The following UGT1A4 variants were observed in gnomAD, a reference collection of about 807,000 sequenced individuals.
UGT1A4 encodes UDP glucuronosyltransferase family 1 member A4, also known as UDP-glucuronosyltransferase 1A4.
A neutral mutation model predicts 41.1 loss-of-function variants in UGT1A4; 32 were observed. That is an observed-to-expected ratio of 0.78 (90% CI 0.59 to 1.05). The LOEUF is 1.05. Ranked by LOEUF, UGT1A4 falls within the 50% of genes least tolerant of loss-of-function variation. The probability of loss-of-function intolerance (pLI) is 0.00; values close to 1 mark genes in which losing one functional copy is unlikely to be tolerated. For synonymous variants in UGT1A4, 283 were observed against 265.1 expected (o/e 1.07, Z -0.66); for missense variants, 748 against 677.4 (o/e 1.10, Z -1.16).
chr2:233,769,450 T>A lies in UGT1A4; in HGVS notation c.1307+1011T>A. On this transcript the variant is annotated intron_variant, in intron 4 of 4. Coordinates refer to ENST00000373409, the MANE Select transcript of UGT1A4 (RefSeq NM_007120.3). The surrounding 1 kb of genome is among the most constrained non-coding windows in gnomAD (Gnocchi z 4.4). Reference sequence around the variant, plus strand: ...CTGTGCTCATGTGTGGGTGCACACGTGTGCATTCATATGCGTGTGTGTGTG... The same window carrying A: ...CTGTGCTCATGTGTGGGTGCACACGAGTGCATTCATATGCGTGTGTGTGTG... The A allele has an allele frequency of 1.3e-6, 2 of 1,587,838 alleles. No individual in the cohort carries two copies. The highest frequency in any genetic ancestry group is 1.7e-6 in the Non-Finnish European group (2 of 1,158,796).
intron 1 of UGT1A4, chr2:233,748,143 A>G (rs1693880187): frequency 6.2e-7 from 1 of 1,607,740 alleles, no homozygotes; most frequent in Non-Finnish European, 8.5e-7. Flanking sequence ...AATTGTATTT[A>G]CTTACAATTG....
At chr2:233,745,089 C>G (rs542765504) in intron 1 of UGT1A4, among the ~76,000 whole-genome samples, 1 of 151,738 alleles carries the variant, frequency 6.6e-6, no homozygotes, top group Admixed American at 6.5e-5. Flanking sequence ...ATTGCTCTTC[C>G]CCCCAAATAT....
At chr2:233,739,868 G>A (rs1691228804) in intron 1 of UGT1A4, among the ~76,000 whole-genome samples, 1 of 151,904 alleles carries the variant, frequency 6.6e-6, no homozygotes. Context: ...AGAATGATAT[G>A]ATTTGACTGT....
In UGT1A4 at chr2:233,738,243, A is replaced by C. The variant is rs57963849; in HGVS notation, c.867+18556A>C. Among the ~76,000 whole-genome samples, 1,478 of 152,302 alleles carry C rather than the reference A, an allele frequency of 9.7e-3. 33 individuals are homozygous for C. The highest frequency in any genetic ancestry group is 0.033 in the African/African-American group (1,387 of 41,562). On this transcript the variant is annotated intron_variant, in intron 1 of 4. Coordinates refer to ENST00000373409, the MANE Select transcript of UGT1A4 (RefSeq NM_007120.3). Reference sequence around the variant, plus strand: ...AGTTTCCTGAGGCCCCTCCAGCCACATGGAACTGGAGTCAATTAAAGCTCT... The same window carrying C: ...AGTTTCCTGAGGCCCCTCCAGCCACCTGGAACTGGAGTCAATTAAAGCTCT...
intron 1 of UGT1A4, among the ~76,000 whole-genome samples, chr2:233,766,000 G>A (rs1299002153): frequency 1.3e-5 from 2 of 152,106 alleles, no homozygotes; most frequent in African/African-American, 2.4e-5. Context: ...TCCAGTGGGC[G>A]TGGGTTATGG....
At chr2:233,739,351 C>A (rs1394476158) in intron 1 of UGT1A4, among the ~76,000 whole-genome samples, 1 of 152,186 alleles carries the variant, frequency 6.6e-6, no homozygotes, top group Admixed American at 6.5e-5. Context: ...CCCAGAAGGG[C>A]AGATCCAATA....
intron 1 of UGT1A4, among the ~76,000 whole-genome samples, chr2:233,746,060 G>A (rs1011902873): frequency 4.0e-5 from 6 of 151,770 alleles, no homozygotes; most frequent in Admixed American, 3.9e-4. Flanking sequence ...GGTCTAGAAC[G>A]AAAAGAGAAG....
chr2:233,772,274 C>T lies in UGT1A4; in HGVS notation c.1320C>T (p.Asn440=), dbSNP rs754238953. Residue 440 remains asparagine, a synonymous_variant, in exon 5 of 5, where the codon AAC becomes AAT. Coordinates refer to ENST00000373409, the MANE Select transcript of UGT1A4 (RefSeq NM_007120.3). ...TCTTTGTGTTTAGTTACAAGGAGAA[C>T]ATCATGCGCCTCTCCAGCCTTCACA... The part of the protein sequence containing the change: ...AVINDKSYKE[N]IMRLSSLHKD... 1.5e-5 allele frequency: 25 copies of T among 1,614,248 alleles called. No individual in the cohort carries two copies. The South Asian group carries it at 1.8e-4, about 11-fold the overall frequency.
At chr2:233,747,722 G>GT (rs574078556) in intron 1 of UGT1A4, 82 of 1,612,726 alleles carry the variant, frequency 5.1e-5, no homozygotes, top group Admixed American at 1.2e-4. Flanking sequence ...TTCCTGCTGT[G>GT]TTTTTTTTGA....
chr2:233,767,291 C>T (rs1383202700), intron 2 of UGT1A4, 126 bp downstream of exon 2: 1 of 1,553,770 alleles, frequency 6.4e-7, no homozygotes, highest in African/African-American at 1.4e-5. Context: ...CACTTCCCAA[C>T]TATTAATCCA....
chr2:233,742,497 T>C (rs1691999391), intron 1 of UGT1A4, among the ~76,000 whole-genome samples: 1 of 151,968 alleles, frequency 6.6e-6, no homozygotes, highest in Non-Finnish European at 1.5e-5. Flanking sequence ...ATAGGCATCA[T>C]GGCTATCATG....
chr2:233,729,571 G>GT (rs780418650), intron 1 of UGT1A4: 6 of 1,613,982 alleles, frequency 3.7e-6, no homozygotes, highest in Non-Finnish European at 4.2e-6. Flanking sequence ...CTTTGATGTG[G>GT]TTTTAACAGA....
At chr2:233,726,426 T>C (rs554048011) in intron 1 of UGT1A4, among the ~76,000 whole-genome samples, 1 of 152,328 alleles carries the variant, frequency 6.6e-6, no homozygotes, top group East Asian at 1.9e-4. Flanking sequence ...TTCTGTCCAC[T>C]CTTAATCTTA....
chr2:233,762,127 G>T (rs528651361), intron 1 of UGT1A4, among the ~76,000 whole-genome samples: 5 of 152,204 alleles, frequency 3.3e-5, no homozygotes, highest in African/African-American at 1.2e-4. Flanking sequence ...TGAGCCATGT[G>T]GGGACCTGTG....
intron 1 of UGT1A4, among the ~76,000 whole-genome samples, chr2:233,745,523 G>A (rs530279744): frequency 2.0e-5 from 3 of 151,672 alleles, no homozygotes; most frequent in African/African-American, 2.4e-5. Context: ...GGTCTAATGG[G>A]GATGTGTTAT....
intron 1 of UGT1A4, among the ~76,000 whole-genome samples, chr2:233,735,526 GT>G (rs2078663821): frequency 6.6e-6 from 1 of 152,088 alleles, no homozygotes. Flanking sequence ...GGTAAATATT[GT>G]TATGAGTGAA....
In UGT1A4 at chr2:233,720,871, A is replaced by ATTTT. The variant is rs60621337; in HGVS notation, c.867+1200_867+1203dup. Among the ~76,000 whole-genome samples, 199 of 132,762 alleles carry ATTTT rather than the reference A, an allele frequency of 1.5e-3. 2 individuals carry two copies. Among genetic ancestry groups the ATTTT allele is most frequent in the African/African-American group, 3.9e-3 (137 of 34,978 alleles). 87.1% of individuals were successfully genotyped at this position (132,762 alleles called of 152,430 possible). On this transcript the variant is annotated intron_variant, in intron 1 of 4. Coordinates refer to ENST00000373409, the MANE Select transcript of UGT1A4 (RefSeq NM_007120.3). Reference sequence around the variant, plus strand: ...CAGGCATGTGCCACTGCTCCTGGCAATTTTTTTTTTTTTTTTTTTAGTAGA... The same window carrying ATTTT: ...CAGGCATGTGCCACTGCTCCTGGCAATTTTTTTTTTTTTTTTTTTTTTTAGTAGA...
intron 1 of UGT1A4, chr2:233,750,809 A>C (rs893471705): frequency 1.3e-5 from 2 of 151,828 alleles, no homozygotes; most frequent in African/African-American, 4.9e-5. Context: ...AGGTTTGGGA[A>C]CCTCCACATA....
chr2:233,742,713 C>A (rs546122146), intron 1 of UGT1A4: 1 of 152,522 alleles, frequency 6.6e-6, no homozygotes. Flanking sequence ...CCGATTTCAG[C>A]TCAGTGATAT....
Sources: allele counts gnomAD v4.1 joint callset (sites outside exome capture counted in the v4.1 genomes callset), GRCh38; gene constraint gnomAD v4.1.1; non-coding constraint Gnocchi (gnomAD v3.1); transcripts MANE v1.5; gene names NCBI Gene and HGNC (gene_info 2026-07-23, HGNC 2026-07-21).